ERC2: variants seen among roughly 807,000 people sequenced by gnomAD.
ERC2 encodes ERC protein 2.
A neutral mutation model predicts 114.8 loss-of-function variants in ERC2; 42 were observed. The ratio of observed to expected loss-of-function variants is 0.37; its 90% CI spans 0.29 to 0.47. The LOEUF (loss-of-function observed/expected upper bound fraction) is 0.47, where lower values mean the gene tolerates loss of function less well. Ranked by LOEUF, ERC2 falls within the 20% of genes least tolerant of loss-of-function variation. The probability of loss-of-function intolerance (pLI) is 0.99; values close to 1 mark genes in which losing one functional copy is unlikely to be tolerated. For missense variants in ERC2, 939 were observed against 1,150.7 expected (o/e 0.82, Z 2.66); for synonymous variants, 454 against 425.5 (o/e 1.07, Z -0.82).
chr3:55,883,894 A>G (rs1267046779), intron 14 of ERC2, among the ~76,000 whole-genome samples: 1 of 148,446 alleles, frequency 6.7e-6, no homozygotes, highest in Non-Finnish European at 1.5e-5. Context: ...TCTCAAAACA[A>G]CAACAACAAC....
chr3:56,329,779 T>C (rs555495940), intron 2 of ERC2, among the ~76,000 whole-genome samples: 3 of 145,216 alleles, frequency 2.1e-5, no homozygotes, highest in East Asian at 3.9e-4. Context: ...CTCATATATA[T>C]GTATTTCCAC....
chr3:56,292,528 T>A (rs1247985496), intron 3 of ERC2, among the ~76,000 whole-genome samples: 1 of 151,890 alleles, frequency 6.6e-6, no homozygotes, highest in African/African-American at 2.4e-5. Context: ...AGGTAGAGGT[T>A]GCAGTAAGCC....
chr3:55,888,391 C>T lies in ERC2; in HGVS notation c.2562G>A (p.Met854Ile), dbSNP rs937311613. 1.2e-6 allele frequency: 2 copies of T among 1,613,824 alleles called. No individual in the cohort carries two copies. Among genetic ancestry groups the T allele is most frequent in the Non-Finnish European group, 1.7e-6 (2 of 1,179,764 alleles). ...CCAAAGCAGCAATGGGTACTCACTT[C>T]ATCTCCAGGATCTCCTCCAGCTGTT... is the stretch of plus-strand genomic sequence containing the variant. ...RRKQLEEILE[M>I]KQEALLAAIS... Residue 854 changes from methionine (M) to isoleucine (I), a missense_variant and splice_region_variant, in exon 14 of 18, where the codon ATG (methionine) becomes ATA (isoleucine). By Grantham distance (10) the Met-to-Ile change is conservative. Coordinates refer to ENST00000288221, the MANE Select transcript of ERC2 (RefSeq NM_015576.3).
intron 17 of ERC2, among the ~76,000 whole-genome samples, chr3:55,519,910 C>A (rs1443918199): frequency 6.6e-6 from 1 of 151,766 alleles, no homozygotes; most frequent in African/African-American, 2.4e-5. Flanking sequence ...AAAAAATTAC[C>A]CAGGTGTGGT....
chr3:55,684,303 T>A (rs1011044412), intron 16 of ERC2, among the ~76,000 whole-genome samples: 1 of 149,698 alleles, frequency 6.7e-6, no homozygotes, highest in Admixed American at 6.7e-5. Context: ...GCTGAAGAAT[T>A]AAAAACACAC....
At chr3:56,227,451 A>T (rs1435634815) in intron 3 of ERC2, among the ~76,000 whole-genome samples, 1 of 148,970 alleles carries the variant, frequency 6.7e-6, no homozygotes, top group Non-Finnish European at 1.5e-5. Context: ...TCCCTTTAGC[A>T]TGTGAAGGTC....
chr3:55,976,627 T>C (rs1371943845), intron 12 of ERC2, among the ~76,000 whole-genome samples: 1 of 152,188 alleles, frequency 6.6e-6, no homozygotes, highest in African/African-American at 2.4e-5. Context: ...AGTAAGAGTG[T>C]GCCCTATTTT....
chr3:56,141,092 A>G (rs2080828249), intron 5 of ERC2, among the ~76,000 whole-genome samples: 1 of 152,184 alleles, frequency 6.6e-6, no homozygotes, highest in Non-Finnish European at 1.5e-5. Context: ...GCACCTTGCA[A>G]GTATGCCAAC....
At chr3:56,374,332 C>T (rs2059461506) in intron 2 of ERC2, among the ~76,000 whole-genome samples, 1 of 152,156 alleles carries the variant, frequency 6.6e-6, no homozygotes, top group Non-Finnish European at 1.5e-5. Context: ...CTCCTGACCT[C>T]GTGATCTGCC....
chr3:55,919,140 T>A (rs1320835836), intron 13 of ERC2, among the ~76,000 whole-genome samples: 1 of 152,094 alleles, frequency 6.6e-6, no homozygotes, highest in Non-Finnish European at 1.5e-5. Flanking sequence ...ACACTTTGGG[T>A]GGCCAAAGTG....
intron 13 of ERC2, among the ~76,000 whole-genome samples, chr3:55,902,593 C>G (rs1422319142): frequency 3.3e-5 from 5 of 152,188 alleles, no homozygotes; most frequent in Non-Finnish European, 5.9e-5. Flanking sequence ...GGTTCCTATG[C>G]TTTCCTTCCA....
chr3:56,173,551 A>T (rs2082797440), intron 3 of ERC2, 31 bp from the exon 4 acceptor site: 1 of 1,605,012 alleles, frequency 6.2e-7, no homozygotes, highest in Admixed American at 1.7e-5. Flanking sequence ...AATAAGCCTG[A>T]CGGTTCATCC....
chr3:56,308,321 T>A (rs1462294852), intron 2 of ERC2, among the ~76,000 whole-genome samples: 1 of 152,172 alleles, frequency 6.6e-6, no homozygotes, highest in Admixed American at 6.5e-5. Flanking sequence ...TATAAGCTCC[T>A]ATATTCATTC....
intron 16 of ERC2, among the ~76,000 whole-genome samples, chr3:55,693,460 T>C (rs1310691998): frequency 1.3e-5 from 2 of 152,088 alleles, no homozygotes; most frequent in Non-Finnish European, 2.9e-5. Flanking sequence ...AAGAACCCTC[T>C]GTGACCCAGA....
At chr3:55,601,652 A>T (rs1478985589) in intron 17 of ERC2, among the ~76,000 whole-genome samples, 1 of 151,984 alleles carries the variant, frequency 6.6e-6, no homozygotes, top group Non-Finnish European at 1.5e-5. Flanking sequence ...CTGGACTATC[A>T]CTCCTAAATA....
intron 11 of ERC2, 123 bp downstream of exon 11, chr3:55,991,934 A>G: frequency 2.4e-6 from 2 of 840,814 alleles, no homozygotes; most frequent in Non-Finnish European, 3.8e-6. Flanking sequence ...CATATTCCTC[A>G]TTTATGACTT....
Position 55,942,802 on chromosome 3 carries a change from T to A in ERC2, c.2403+7623A>T, listed in dbSNP as rs76220084. On this transcript the variant is annotated intron_variant, in intron 13 of 17. Transcript: ENST00000288221. ...AGGAACTGATTTAATAGTTGTATTT[T>A]CCTTTTGCAAGATTTCCATCTAAAT... Among the ~76,000 whole-genome samples the A allele has an allele frequency of 3.6e-3, 553 of 152,358 alleles. 3 individuals are homozygous for A. Among genetic ancestry groups the A allele is most frequent in the African/African-American group, 0.013 (522 of 41,574 alleles).
intron 14 of ERC2, among the ~76,000 whole-genome samples, chr3:55,789,403 T>C (rs1273113234): frequency 6.6e-6 from 1 of 152,218 alleles, no homozygotes; most frequent in Non-Finnish European, 1.5e-5. Context: ...CTGTGCTTGC[T>C]ACTACTCCAT....
intron 3 of ERC2, among the ~76,000 whole-genome samples, chr3:56,251,454 C>A (rs938473467): frequency 2.0e-4 from 31 of 152,222 alleles, no homozygotes; most frequent in African/African-American, 7.5e-4. Context: ...GATCTGCACT[C>A]TCCTGGTACA....
Sources: allele counts gnomAD v4.1 joint callset (sites outside exome capture counted in the v4.1 genomes callset), GRCh38; gene constraint gnomAD v4.1.1; transcripts MANE v1.5; gene names NCBI Gene and HGNC (gene_info 2026-07-23, HGNC 2026-07-21).